KCNQ5: variants seen among roughly 807,000 people sequenced by gnomAD.
KCNQ5 encodes the protein potassium voltage-gated channel subfamily Q member 5.
In KCNQ5, 30 loss-of-function variants were observed where a neutral mutation model predicts 98.2. The observed-to-expected ratio is 0.31, with a 90% CI of 0.23 to 0.41. KCNQ5 has a LOEUF of 0.41. Among genes scored for constraint, KCNQ5 ranks in the 10% least tolerant of loss-of-function variants. KCNQ5 has a pLI of 1.00. For synonymous variants in KCNQ5, 458 were observed against 449.4 expected (o/e 1.02, Z -0.24); for missense variants, 835 against 1,182.5 (o/e 0.71, Z 4.31).
intron 1 of KCNQ5, among the ~76,000 whole-genome samples, chr6:72,670,097 C>T (rs1226183474): frequency 2.0e-5 from 3 of 152,096 alleles, no homozygotes; most frequent in Admixed American, 6.6e-5. Flanking sequence ...CTCACAATTC[C>T]TGCTTTCTAC....
intron 10 of KCNQ5, among the ~76,000 whole-genome samples, chr6:73,168,596 G>C (rs1022275103): frequency 7.2e-5 from 11 of 152,008 alleles, no homozygotes; most frequent in African/African-American, 2.4e-4. Flanking sequence ...CCAGCTACTT[G>C]CGGGGCTGAG....
At chr6:72,656,240 A>C (rs1025764122) in intron 1 of KCNQ5, among the ~76,000 whole-genome samples, 1 of 152,164 alleles carries the variant, frequency 6.6e-6, no homozygotes, top group Non-Finnish European at 1.5e-5. Flanking sequence ...CACACAAAAC[A>C]GTATGGTGTT....
chr6:72,719,676 C>A (rs143558168), intron 1 of KCNQ5, among the ~76,000 whole-genome samples: 1 of 152,210 alleles, frequency 6.6e-6, no homozygotes, highest in East Asian at 1.9e-4. Flanking sequence ...CCCAGTGAGC[C>A]CTTTGTGGGT....
At chr6:72,664,807 A>T (rs779524820) in intron 1 of KCNQ5, among the ~76,000 whole-genome samples, 29 of 152,196 alleles carry the variant, frequency 1.9e-4, no homozygotes, top group Non-Finnish European at 4.1e-4. Flanking sequence ...ACTCAAAGGA[A>T]TTTCATTGGG....
intron 5 of KCNQ5, among the ~76,000 whole-genome samples, chr6:73,080,343 A>C (rs1409739904): frequency 6.6e-6 from 1 of 152,184 alleles, no homozygotes; most frequent in African/African-American, 2.4e-5. Context: ...ATGAGAGTAA[A>C]AATTTTATAA....
chr6:72,690,037 C>G (rs1768135794), intron 1 of KCNQ5, among the ~76,000 whole-genome samples: 1 of 152,042 alleles, frequency 6.6e-6, no homozygotes, highest in Admixed American at 6.6e-5. Flanking sequence ...ACTTTGGGAG[C>G]TGAGGTGGGT....
intron 1 of KCNQ5, among the ~76,000 whole-genome samples, chr6:72,929,109 G>A (rs1401441070): frequency 6.6e-6 from 1 of 152,062 alleles, no homozygotes; most frequent in Non-Finnish European, 1.5e-5. Context: ...CCATAACAGA[G>A]GTTCCTCATA....
intron 6 of KCNQ5, among the ~76,000 whole-genome samples, chr6:73,107,332 C>T (rs1240326211): frequency 6.6e-6 from 1 of 152,146 alleles, no homozygotes; most frequent in East Asian, 1.9e-4. Context: ...TTCTGATAAA[C>T]TCACCTATAT....
rs58092092 is a variant in KCNQ5, at chr6:72,644,075, T to C, written c.398+21488T>C. 1.8e-4 allele frequency among the ~76,000 whole-genome samples: 28 copies of C among 152,290 alleles called. No individual in the cohort carries two copies. The East Asian group carries it at 4.6e-3, about 25-fold the overall frequency. ...TACAGCACATAACAGGTATACACTT[T>C]GTAAATTAAAAAATACACACATAGT... On this transcript the variant is annotated intron_variant, in intron 1 of 13. Coordinates refer to ENST00000370398, the MANE Select transcript of KCNQ5 (RefSeq NM_019842.4).
intron 1 of KCNQ5, among the ~76,000 whole-genome samples, chr6:72,976,426 A>G (rs56114038): frequency 6.6e-6 from 1 of 152,328 alleles, no homozygotes; most frequent in South Asian, 2.1e-4. Context: ...TATTATCAAA[A>G]CTATTACACC....
At chr6:73,026,690 C>A (rs1169723563) in intron 2 of KCNQ5, among the ~76,000 whole-genome samples, 1 of 152,150 alleles carries the variant, frequency 6.6e-6, no homozygotes, top group East Asian at 1.9e-4. Flanking sequence ...TTTAGAAGAG[C>A]ACCTGGCTCA....
At chr6:72,803,727 G>A (rs550552238) in intron 1 of KCNQ5, among the ~76,000 whole-genome samples, 15 of 152,170 alleles carry the variant, frequency 9.9e-5, no homozygotes, top group South Asian at 4.1e-4. Context: ...TTTTTAGTTC[G>A]TTGGTTCTTT....
intron 1 of KCNQ5, among the ~76,000 whole-genome samples, chr6:72,957,572 C>T (rs1027970161): frequency 2.0e-5 from 3 of 152,114 alleles, no homozygotes; most frequent in Non-Finnish European, 2.9e-5. Flanking sequence ...TTTTAAAATA[C>T]GCCCCTGATG....
rs554972309 is a variant in KCNQ5, at chr6:73,018,417, C to G, written c.489+14419C>G. 1.1e-4 allele frequency among the ~76,000 whole-genome samples: 17 copies of G among 152,104 alleles called. No individual in the cohort carries two copies. In the South Asian group the frequency reaches 3.5e-3, roughly 32 times the overall value. On this transcript the variant is annotated intron_variant, in intron 2 of 13. Transcript: ENST00000370398. ...GAGTCCAAGAAAGAGCTATGGAGAC[C>G]TCTAGGATAGAGGTCGAGCTGTGTC... is the stretch of plus-strand genomic sequence containing the variant.
chr6:73,108,071 C>T (rs1049047874), intron 6 of KCNQ5, among the ~76,000 whole-genome samples: 7 of 152,172 alleles, frequency 4.6e-5, no homozygotes, highest in Non-Finnish European at 8.8e-5. Context: ...GTTCCTCCCA[C>T]CCAGGACACC....
intron 1 of KCNQ5, among the ~76,000 whole-genome samples, chr6:72,886,096 T>C (rs1051548123): frequency 6.6e-6 from 1 of 152,128 alleles, no homozygotes; most frequent in East Asian, 1.9e-4. Context: ...TGAGCTAGCA[T>C]GAGTGAGGGT....
intron 1 of KCNQ5, among the ~76,000 whole-genome samples, chr6:72,680,163 C>G (rs1767632919): frequency 6.6e-6 from 1 of 152,128 alleles, no homozygotes; most frequent in Admixed American, 6.5e-5. Flanking sequence ...AAAGAAGCCT[C>G]CTTGTCCATA....
chr6:72,663,649 A>C (rs1582073661), intron 1 of KCNQ5, among the ~76,000 whole-genome samples: 1 of 152,252 alleles, frequency 6.6e-6, no homozygotes, highest in Non-Finnish European at 1.5e-5. Context: ...ACAAGTTCCC[A>C]AAAAAGGAAA....
intron 1 of KCNQ5, among the ~76,000 whole-genome samples, chr6:72,662,352 A>T (rs1349952768): frequency 3.3e-5 from 5 of 152,126 alleles, no homozygotes; most frequent in East Asian, 1.9e-4. Context: ...CTTTCCTTGT[A>T]TAGTAAAATA....
Sources: gnomAD v4.1 joint callset for allele counts (sites outside exome capture counted in the v4.1 genomes callset) on GRCh38, gnomAD v4.1.1 for gene constraint, MANE v1.5 for transcripts, NCBI Gene and HGNC (gene_info 2026-07-23, HGNC 2026-07-21) for gene names.